The following WDFY3 variants were observed in gnomAD, a reference collection of about 807,000 sequenced individuals.
WDFY3 encodes the protein WD repeat and FYVE domain-containing protein 3.
Under a neutral mutation model 409.6 loss-of-function variants are expected in WDFY3, and 66 were observed. The ratio of observed to expected loss-of-function variants is 0.16; its 90% CI spans 0.13 to 0.20. The LOEUF is 0.20. Among genes scored for constraint, WDFY3 ranks in the 10% least tolerant of loss-of-function variants. WDFY3 has a pLI of 1.00. For synonymous variants in WDFY3, 1,521 were observed against 1,537.1 expected (o/e 0.99, Z 0.25); for missense variants, 3,031 against 4,298.1 (o/e 0.71, Z 8.24).
At chr4:84,748,338 A>G (rs1188449083) in intron 36 of WDFY3, among the ~76,000 whole-genome samples, 1 of 152,194 alleles carries the variant, frequency 6.6e-6, no homozygotes, top group Middle Eastern at 3.2e-3. Flanking sequence ...CATTTTACAG[A>G]TGTGTAAATT....
At chr4:84,903,905 A>G (rs953687641) in intron 2 of WDFY3, among the ~76,000 whole-genome samples, 1 of 151,966 alleles carries the variant, frequency 6.6e-6, no homozygotes, top group Admixed American at 6.6e-5. Context: ...CTCTCCGTCC[A>G]TCCATCCGCC....
intron 3 of WDFY3, among the ~76,000 whole-genome samples, chr4:84,867,358 G>T (rs932617658): frequency 2.6e-5 from 4 of 152,138 alleles, no homozygotes; most frequent in African/African-American, 4.8e-5. Flanking sequence ...AAGCAATAAA[G>T]AAAAGATATG....
intron 23 of WDFY3, 128 bp from the exon 24 acceptor site, chr4:84,786,267 T>A: frequency 2.4e-6 from 2 of 850,632 alleles, no homozygotes. Context: ...AGAGGTAAAT[T>A]TAAAAACTAT....
intron 27 of WDFY3, among the ~76,000 whole-genome samples, chr4:84,777,699 C>T (rs951534510): frequency 1.3e-5 from 2 of 151,944 alleles, no homozygotes; most frequent in African/African-American, 4.8e-5. Flanking sequence ...AGGGCCTAGA[C>T]ACAAGAGTTC....
intron 50 of WDFY3, 41 bp downstream of exon 50, chr4:84,715,257 C>T (rs770262739): frequency 2.6e-6 from 3 of 1,167,214 alleles, no homozygotes; most frequent in Admixed American, 4.3e-5. Flanking sequence ...CCTCCCATAT[C>T]TTCCCATAAT....
intron 1 of WDFY3, among the ~76,000 whole-genome samples, chr4:84,955,728 A>G (rs964206192): frequency 6.6e-6 from 1 of 152,252 alleles, no homozygotes; most frequent in Non-Finnish European, 1.5e-5. Context: ...TGCATATTTA[A>G]TAAGTGTTGG....
intron 27 of WDFY3, among the ~76,000 whole-genome samples, chr4:84,776,482 C>T (rs954681872): frequency 6.6e-6 from 1 of 151,978 alleles, no homozygotes; most frequent in Admixed American, 6.6e-5. Context: ...GAGTTTTAAT[C>T]AGAAATCTGA....
intron 6 of WDFY3, 57 bp from the exon 7 acceptor site, chr4:84,837,147 C>A: frequency 2.3e-6 from 3 of 1,331,148 alleles, no homozygotes; most frequent in Non-Finnish European, 2.0e-6. Flanking sequence ...ATTGGTACAG[C>A]CAAATAATTC....
rs1163207004 is a variant in WDFY3, at chr4:84,778,673, CA to C, written c.4366-19del. ...GCCAGCAACTACAAGAAAGTAATAC[CA>C]AATGCCTGTTGATAAATCATCATAT... is the stretch of plus-strand genomic sequence containing the variant. On this transcript the variant is annotated intron_variant, in intron 26 of 67. Transcript: ENST00000295888. 5.6e-6 allele frequency: 9 copies of C among 1,598,094 alleles called. No individual in the cohort carries two copies. In the East Asian group the frequency reaches 2.0e-4, roughly 36 times the overall value.
chr4:84,909,553 A>G (rs1767496209), intron 2 of WDFY3, among the ~76,000 whole-genome samples: 1 of 152,090 alleles, frequency 6.6e-6, no homozygotes, highest in African/African-American at 2.4e-5. Context: ...TTGTAACATA[A>G]AAATAACCTA....
chr4:84,694,914 T>A lies in WDFY3; in HGVS notation c.8901+1056A>T, dbSNP rs142867461. 6.6e-3 allele frequency among the ~76,000 whole-genome samples: 1,008 copies of A among 152,272 alleles called. 10 individuals are homozygous for A. Among genetic ancestry groups the A allele is most frequent in the African/African-American group, 0.023 (964 of 41,558 alleles). On this transcript the variant is annotated intron_variant, in intron 58 of 67. Coordinates refer to ENST00000295888, the MANE Select transcript of WDFY3 (RefSeq NM_014991.6). ...TTTTCTATATAAAGATATAAAGAGATGAGCCATTGTTTTGTGTGTTCTCAA... is the reference window on the plus strand; with the variant it reads ...TTTTCTATATAAAGATATAAAGAGAAGAGCCATTGTTTTGTGTGTTCTCAA...
chr4:84,958,926 G>A (rs960071579), intron 1 of WDFY3, among the ~76,000 whole-genome samples: 3 of 152,078 alleles, frequency 2.0e-5, no homozygotes, highest in Admixed American at 6.6e-5. Flanking sequence ...CTCTATAAAT[G>A]GCAAACCCAC....
At chr4:84,955,182 G>A (rs1273281382) in intron 1 of WDFY3, among the ~76,000 whole-genome samples, 3 of 149,860 alleles carry the variant, frequency 2.0e-5, no homozygotes, top group African/African-American at 7.4e-5. Flanking sequence ...CAGCCTGGGC[G>A]ACAGAACAAA....
At chr4:84,850,130 C>A in intron 4 of WDFY3, 105 bp from the exon 5 acceptor site, 1 of 1,246,602 alleles carries the variant, frequency 8.0e-7, no homozygotes, top group Non-Finnish European at 1.1e-6. Context: ...CCAGAAAAGT[C>A]TACCTACACA....
At chr4:84,762,331 G>A (rs1742782913) in intron 32 of WDFY3, among the ~76,000 whole-genome samples, 1 of 151,824 alleles carries the variant, frequency 6.6e-6, no homozygotes, top group East Asian at 1.9e-4. Context: ...GATGAAACTG[G>A]AAATCATCAT....
At chr4:84,921,592 AAT>A (rs1209190740) in intron 2 of WDFY3, among the ~76,000 whole-genome samples, 1 of 151,298 alleles carries the variant, frequency 6.6e-6, no homozygotes, top group Non-Finnish European at 1.5e-5. Flanking sequence ...ATTCATAATC[AAT>A]ATATATTCTA....
At chr4:84,724,656 C>A in intron 45 of WDFY3, 62 bp from the exon 46 acceptor site, 1 of 1,560,470 alleles carries the variant, frequency 6.4e-7, no homozygotes. Flanking sequence ...ACGTAATATT[C>A]TTGAGGGAAG....
rs1217391067 is a variant in WDFY3 at position 84,702,254 on chromosome 4, T to C, written c.8596+99A>G. On this transcript the variant is annotated intron_variant, in intron 56 of 67. Transcript: ENST00000295888. ...CAAGAAACTGTATCAAATTTTTTTC[T>C]TGTTAATGTGTGCTGCAGACAATCT... The C allele has an allele frequency of 2.3e-6, 3 of 1,281,240 alleles. No homozygotes were observed. In the African/African-American group the frequency reaches 4.6e-5, roughly 19 times the overall value. The allele number at this position is 1,281,240 out of a possible 1,614,324, so 79.4% of individuals were successfully genotyped here. A position where few individuals can be genotyped will look rare whatever the true frequency, so the allele number is the denominator to read the frequency against.
chr4:84,777,507 GC>G (rs1457200745), intron 27 of WDFY3, among the ~76,000 whole-genome samples: 5 of 152,018 alleles, frequency 3.3e-5, no homozygotes, highest in Non-Finnish European at 7.4e-5. Context: ...ACAGACAATA[GC>G]CAATGTTACT....
Sources: allele counts gnomAD v4.1 joint callset (sites outside exome capture counted in the v4.1 genomes callset), GRCh38; gene constraint gnomAD v4.1.1; transcripts MANE v1.5; gene names NCBI Gene and HGNC (gene_info 2026-07-23, HGNC 2026-07-21).